Variants in CSMD1 observed in about 807,000 individuals in gnomAD.
CSMD1 encodes the protein CUB and sushi domain-containing protein 1.
CSMD1 carries 213 observed loss-of-function variants against 417.5 expected under a neutral mutation model. The ratio of observed to expected loss-of-function variants is 0.51; its 90% CI spans 0.46 to 0.57. The LOEUF (loss-of-function observed/expected upper bound fraction) is 0.57, where lower values mean the gene tolerates loss of function less well. Among genes scored for constraint, CSMD1 ranks in the 20% least tolerant of loss-of-function variants. The pLI, the probability that CSMD1 is intolerant of heterozygous loss-of-function variation, is 0.00. For missense variants in CSMD1, 6,923 were observed against 4,529.7 expected (o/e 1.53, Z -15.17); for synonymous variants, 2,862 against 1,736.8 (o/e 1.65, Z -16.11).
At chr8:4,035,055 T>G (rs769238652) in intron 3 of CSMD1, among the ~76,000 whole-genome samples, 1 of 152,172 alleles carries the variant, frequency 6.6e-6, no homozygotes, top group Non-Finnish European at 1.5e-5. Flanking sequence ...TGCAAATGAT[T>G]ATCGTGCAGA....
At chr8:3,135,315 C>A (rs945413878) in intron 41 of CSMD1, among the ~76,000 whole-genome samples, 1 of 152,234 alleles carries the variant, frequency 6.6e-6, no homozygotes. Flanking sequence ...ACTTCATTTA[C>A]ATAGAGTTTT....
intron 15 of CSMD1, among the ~76,000 whole-genome samples, chr8:3,400,697 T>C (rs1343037115): frequency 6.6e-6 from 1 of 151,904 alleles, no homozygotes; most frequent in East Asian, 1.9e-4. Context: ...CCATCTGTTA[T>C]AAATGTAATA....
At chr8:4,974,567 T>G (rs189499185) in intron 1 of CSMD1, among the ~76,000 whole-genome samples, 3 of 152,112 alleles carry the variant, frequency 2.0e-5, no homozygotes. Flanking sequence ...TGAAAAAAGA[T>G]TGGAGTCGAC....
chr8:4,479,795 C>A (rs1005902359), intron 2 of CSMD1, among the ~76,000 whole-genome samples: 1 of 151,748 alleles, frequency 6.6e-6, no homozygotes, highest in Non-Finnish European at 1.5e-5. Context: ...AAACCCCGTT[C>A]TCTACTGAAA....
At chr8:3,535,335 T>A (rs1026143958) in intron 10 of CSMD1, among the ~76,000 whole-genome samples, 5 of 152,170 alleles carry the variant, frequency 3.3e-5, no homozygotes, top group Admixed American at 2.0e-4. Context: ...TATACCATGC[T>A]GAGTCACTAT....
intron 1 of CSMD1, among the ~76,000 whole-genome samples, chr8:4,886,301 T>G (rs1171427865): frequency 6.6e-6 from 1 of 152,070 alleles, no homozygotes; most frequent in Admixed American, 6.5e-5. Flanking sequence ...TCACTTTGCA[T>G]TTGAATATCT....
At chr8:4,010,782 C>T (rs970500683) in intron 4 of CSMD1, among the ~76,000 whole-genome samples, 3 of 152,136 alleles carry the variant, frequency 2.0e-5, no homozygotes, top group Non-Finnish European at 2.9e-5. Context: ...TTGCATTTAC[C>T]ATAACTCTGC....
At chr8:4,010,281 G>C (rs186015048) in intron 4 of CSMD1, among the ~76,000 whole-genome samples, 46 of 152,146 alleles carry the variant, frequency 3.0e-4, no homozygotes, top group African/African-American at 1.1e-3. Context: ...CCAGCTTTGA[G>C]TCTCTTGCCA....
At chr8:4,877,000 A>C (rs1285203993) in intron 1 of CSMD1, among the ~76,000 whole-genome samples, 1 of 152,126 alleles carries the variant, frequency 6.6e-6, no homozygotes, top group East Asian at 1.9e-4. Context: ...TATAATACAA[A>C]GATAAAAGAG....
intron 5 of CSMD1, among the ~76,000 whole-genome samples, chr8:3,880,867 A>T (rs562294705): frequency 4.4e-4 from 67 of 152,136 alleles, no homozygotes; most frequent in Middle Eastern, 3.2e-3. Flanking sequence ...TCTAATACAA[A>T]TTTTTCTAGT....
intron 18 of CSMD1, among the ~76,000 whole-genome samples, chr8:3,378,795 G>A (rs1810467179): frequency 6.6e-6 from 1 of 152,180 alleles, no homozygotes. Context: ...ATATCATGCT[G>A]AATGGGCAAA....
intron 7 of CSMD1, among the ~76,000 whole-genome samples, chr8:3,618,317 T>G (rs996120566): frequency 6.6e-6 from 1 of 152,194 alleles, no homozygotes; most frequent in Non-Finnish European, 1.5e-5. Flanking sequence ...AATTTATCTT[T>G]TACTACTAAA....
At chr8:4,186,714 C>G (rs529363400) in intron 3 of CSMD1, among the ~76,000 whole-genome samples, 1 of 151,822 alleles carries the variant, frequency 6.6e-6, no homozygotes, top group Non-Finnish European at 1.5e-5. Context: ...CAGCGGCGTA[C>G]GGTCGCTCAC....
chr8:3,664,642 G>A (rs1445937743), intron 7 of CSMD1, among the ~76,000 whole-genome samples: 5 of 152,222 alleles, frequency 3.3e-5, no homozygotes, highest in African/African-American at 7.2e-5. Flanking sequence ...GCTCCGCCAA[G>A]ATCAGGAGCA....
rs1379361386 is a variant in CSMD1 at position 4,899,458 on chromosome 8, A to C, written c.85+94874T>G. ...AATTGAGAATTAAATGTAGATACGC[A>C]TGTCCATAGTCAATTAAAGAGAAGA... On this transcript the variant is annotated intron_variant, in intron 1 of 69. Coordinates refer to ENST00000635120, the MANE Select transcript of CSMD1 (RefSeq NM_033225.6). 1.3e-5 allele frequency among the ~76,000 whole-genome samples: 2 copies of C among 152,176 alleles called. 1 individual carries two copies. The highest frequency in any genetic ancestry group is 1.3e-4 in the Admixed American group (2 of 15,278).
rs577019528 is a variant in CSMD1, at chr8:4,809,811, G to A, written c.86-172253C>T. On this transcript the variant is annotated intron_variant, in intron 1 of 69. Coordinates refer to ENST00000635120, the MANE Select transcript of CSMD1 (RefSeq NM_033225.6). Reference sequence around the variant, plus strand: ...ATATACTGTGTATTTTATGCTTCTAGTACATATCATTGTGGACCACCTGCA... The same window carrying A: ...ATATACTGTGTATTTTATGCTTCTAATACATATCATTGTGGACCACCTGCA... Among the ~76,000 whole-genome samples the A allele has an allele frequency of 2.6e-5, 4 of 152,164 alleles. No individual in the cohort carries two copies. The East Asian group carries it at 7.7e-4, about 29-fold the overall frequency.
At chr8:4,687,224 C>T (rs998475935) in intron 1 of CSMD1, among the ~76,000 whole-genome samples, 6 of 152,178 alleles carry the variant, frequency 3.9e-5, no homozygotes, top group Non-Finnish European at 7.3e-5. Flanking sequence ...ATGACTGCAT[C>T]TCCAGGCCCC....
At chr8:4,685,365 G>A (rs889674658) in intron 1 of CSMD1, among the ~76,000 whole-genome samples, 2 of 152,008 alleles carry the variant, frequency 1.3e-5, no homozygotes, top group Admixed American at 1.3e-4. Flanking sequence ...CCTTAGGTCA[G>A]GAGTTCGAGA....
intron 3 of CSMD1, among the ~76,000 whole-genome samples, chr8:4,301,301 C>T (rs958796943): frequency 1.3e-5 from 2 of 152,186 alleles, no homozygotes; most frequent in African/African-American, 4.8e-5. Context: ...TTGAGCATCC[C>T]AAAATACCAG....
Sources: allele counts gnomAD v4.1 joint callset (sites outside exome capture counted in the v4.1 genomes callset), GRCh38; gene constraint gnomAD v4.1.1; transcripts MANE v1.5; gene names NCBI Gene and HGNC (gene_info 2026-07-23, HGNC 2026-07-21).